ARHGEF10: variants seen among roughly 807,000 people sequenced by gnomAD.
ARHGEF10 encodes Rho guanine nucleotide exchange factor 10.
Under a neutral mutation model 147.4 loss-of-function variants are expected in ARHGEF10, and 140 were observed. The ratio of observed to expected loss-of-function variants is 0.95; its 90% CI spans 0.83 to 1.09. The LOEUF is 1.09. Ranked by LOEUF, ARHGEF10 falls within the 50% of genes least tolerant of loss-of-function variation. ARHGEF10 has a pLI of 0.00. For synonymous variants in ARHGEF10, 902 were observed against 695.8 expected, an observed-to-expected ratio of 1.30 and a Z score of -4.67; for missense variants, 2,222 against 1,752.7, an observed-to-expected ratio of 1.27 and a Z score of -4.78.
At chr8:1,910,825 A>G (rs558718217) in intron 18 of ARHGEF10, among the ~76,000 whole-genome samples, 55 of 152,370 alleles carry the variant, frequency 3.6e-4, no homozygotes, top group African/African-American at 1.3e-3. Context: ...CTTAGAATTT[A>G]TTCATAATTA....
At chr8:1,946,922 T>C (rs1814639086) in intron 27 of ARHGEF10, among the ~76,000 whole-genome samples, 1 of 152,238 alleles carries the variant, frequency 6.6e-6, no homozygotes, top group African/African-American at 2.4e-5. Flanking sequence ...TCTCAGGGGC[T>C]AACTGTACAA....
chr8:1,923,816 C>T lies in ARHGEF10; in HGVS notation c.2430C>T (p.Phe810=), dbSNP rs1204006322. Residue 810 remains phenylalanine, a synonymous_variant, in exon 21 of 29, where the codon TTC becomes TTT. Transcript: ENST00000349830. Reference sequence around the variant, plus strand: ...TCTTTACAGCTGTGTTCAATACGTTCACCCCTGCCATCAAGGAGTCCTGGG... The same window carrying T: ...TCTTTACAGCTGTGTTCAATACGTTTACCCCTGCCATCAAGGAGTCCTGGG... ...PTFFTAVFNT[F]TPAIKESWVN... is the part of the protein sequence containing the mutation. 1.9e-6 allele frequency: 3 copies of T among 1,614,054 alleles called. No individual in the cohort carries two copies. Among genetic ancestry groups the T allele is most frequent in the Non-Finnish European group, 2.5e-6 (3 of 1,180,032 alleles).
At chr8:1,896,310 C>G in intron 13 of ARHGEF10, 23 bp from the exon 14 acceptor site, 1 of 1,540,164 alleles carries the variant, frequency 6.5e-7, no homozygotes, top group South Asian at 1.1e-5. Flanking sequence ...TGATTTCTCT[C>G]TGAATTTCCT....
intron 15 of ARHGEF10, among the ~76,000 whole-genome samples, chr8:1,899,018 C>T (rs3758012): frequency 0.11 from 16,560 of 152,280 alleles, 1,264 homozygotes; most frequent in East Asian, 0.31. Flanking sequence ...AGCAAATCAC[C>T]GAGGACAGGG....
At chr8:1,893,914 CTG>C in intron 12 of ARHGEF10, among the ~76,000 whole-genome samples, 1 of 152,036 alleles carries the variant, frequency 6.6e-6, no homozygotes, top group African/African-American at 2.4e-5. Context: ...TGGCTCACCC[CTG>C]TAATCCTAGC....
chr8:1,946,810 T>C (rs1332358548), intron 27 of ARHGEF10, among the ~76,000 whole-genome samples: 3 of 152,128 alleles, frequency 2.0e-5, no homozygotes, highest in African/African-American at 4.8e-5. Context: ...CGAGGAGGTG[T>C]TGAGGATGTT....
intron 15 of ARHGEF10, among the ~76,000 whole-genome samples, chr8:1,901,981 A>T (rs984153094): frequency 1.2e-5 from 1 of 80,902 alleles, no homozygotes; most frequent in Non-Finnish European, 2.6e-5. Context: ...CAAGACGCAG[A>T]ACCACATTTT....
At chr8:1,826,597 T>C (rs1802787770) in intron 1 of ARHGEF10, among the ~76,000 whole-genome samples, 1 of 152,044 alleles carries the variant, frequency 6.6e-6, no homozygotes, top group Non-Finnish European at 1.5e-5. Flanking sequence ...CTAGAAGGCG[T>C]TGTATGGGGA....
intron 25 of ARHGEF10, 60 bp from the exon 26 acceptor site, chr8:1,933,740 T>C: frequency 1.9e-6 from 3 of 1,600,446 alleles, no homozygotes; most frequent in Non-Finnish European, 2.6e-6. Flanking sequence ...TATGACCCCA[T>C]TTTCCCATTC....
intron 4 of ARHGEF10, among the ~76,000 whole-genome samples, chr8:1,861,914 T>C (rs1380704962): frequency 6.6e-6 from 1 of 152,276 alleles, no homozygotes; most frequent in Non-Finnish European, 1.5e-5. Context: ...TTATTTAAAA[T>C]AATTGCATAT....
At chr8:1,955,092 C>T (rs13258816) in intron 28 of ARHGEF10, among the ~76,000 whole-genome samples, 2 of 78,754 alleles carry the variant, frequency 2.5e-5, no homozygotes, top group African/African-American at 5.5e-5. Context: ...CTCACTGTTC[C>T]TCTGGAGGAT....
intron 17 of ARHGEF10, among the ~76,000 whole-genome samples, chr8:1,908,511 C>A (rs1167606642): frequency 6.6e-6 from 1 of 152,124 alleles, no homozygotes; most frequent in Non-Finnish European, 1.5e-5. Flanking sequence ...GGATTACAGG[C>A]GTGAGCCACC....
intron 4 of ARHGEF10, among the ~76,000 whole-genome samples, chr8:1,862,376 T>C (rs1806202888): frequency 6.6e-6 from 1 of 152,274 alleles, no homozygotes; most frequent in Non-Finnish European, 1.5e-5. Context: ...TTTTCCTGCC[T>C]ACCGAAACCA....
intron 22 of ARHGEF10, among the ~76,000 whole-genome samples, 168 bp from the exon 23 acceptor site, chr8:1,926,209 G>C (rs571387224): frequency 6.6e-6 from 1 of 152,238 alleles, no homozygotes; most frequent in Non-Finnish European, 1.5e-5. Flanking sequence ...ACTTCTGAGA[G>C]TTGTACTTTT....
rs1400672983 is a variant in ARHGEF10 at position 1,890,537 on chromosome 8, A to G, written c.1183-3032A>G. On this transcript the variant is annotated intron_variant, in intron 11 of 28. Transcript: ENST00000349830. Reference sequence around the variant, plus strand: ...TGGGGCGAGACGGGTCTCTGAGGAGACACTGAGTGGGGTGAGAGTTTTGAG... The same window carrying G: ...TGGGGCGAGACGGGTCTCTGAGGAGGCACTGAGTGGGGTGAGAGTTTTGAG... 3.4e-5 allele frequency among the ~76,000 whole-genome samples: 5 copies of G among 148,924 alleles called. 1 individual carries two copies. The highest frequency in any genetic ancestry group is 4.0e-4 in the East Asian group (2 of 4,994).
At chr8:1,918,504 GT>G (rs1477984634) in intron 18 of ARHGEF10, among the ~76,000 whole-genome samples, 114 of 131,550 alleles carry the variant, frequency 8.7e-4, no homozygotes, top group Admixed American at 2.5e-3. Flanking sequence ...GTGTGTGTGT[GT>G]TATTTTAAAA....
At chr8:1,901,736 G>C (rs1282969728) in intron 15 of ARHGEF10, among the ~76,000 whole-genome samples, 2 of 152,232 alleles carry the variant, frequency 1.3e-5, no homozygotes, top group African/African-American at 2.4e-5. Flanking sequence ...GCCACCACCA[G>C]TGTGTGGGTT....
upstream of ARHGEF10, among the ~76,000 whole-genome samples, chr8:1,823,817 A>G (rs1195191553): frequency 1.3e-5 from 2 of 151,196 alleles, no homozygotes; most frequent in Non-Finnish European, 3.0e-5. Flanking sequence ...CGCGGGCGCG[A>G]GGGCAGGGCG....
In ARHGEF10 at chr8:1,929,455, C is replaced by T; in HGVS notation, c.3079+12C>T. ...CGCCAGAGCCCCAGGTGAGGCGGGT[C>T]TCACGGCCTCCTGGCCGGTCCTTGG... On this transcript the variant is annotated intron_variant, in intron 25 of 28. Coordinates refer to ENST00000349830, the MANE Select transcript of ARHGEF10 (RefSeq NM_014629.4). 6.2e-7 allele frequency: 1 copy of T among 1,600,382 alleles called. No homozygotes were observed. Among genetic ancestry groups the T allele is most frequent in the Admixed American group, 1.7e-5 (1 of 58,480 alleles).
Sources: gnomAD v4.1 joint callset for allele counts (sites outside exome capture counted in the v4.1 genomes callset) on GRCh38, gnomAD v4.1.1 for gene constraint, MANE v1.5 for transcripts, NCBI Gene and HGNC (gene_info 2026-07-23, HGNC 2026-07-21) for gene names.